The following FHIT variants were observed in gnomAD, a reference collection of about 807,000 sequenced individuals.
FHIT encodes the protein fragile histidine triad diadenosine triphosphatase.
In FHIT, 19 loss-of-function variants were observed where a neutral mutation model predicts 17.9. That is an observed-to-expected ratio of 1.06 (90% confidence interval 0.74 to 1.56). The LOEUF is 1.56. Ranked by LOEUF, FHIT falls within the 40% of genes most tolerant of loss-of-function variation. The pLI, the probability that FHIT is intolerant of heterozygous loss-of-function variation, is 0.00. For missense variants in FHIT, 248 were observed against 189.2 expected (o/e 1.31, Z -1.82); for synonymous variants, 81 against 69.7 (o/e 1.16, Z -0.81).
Position 59,750,348 on chromosome 3 carries a change from A to T in FHIT, c.*6-769T>A, listed in dbSNP as rs540765470. 1.3e-5 allele frequency: 3 copies of T among 225,392 alleles called. No individual in the cohort carries two copies. The South Asian group carries it at 5.5e-4, about 41-fold the overall frequency. The allele number at this position is 225,392 out of a possible 1,614,324, so 14.0% of individuals were successfully genotyped here. A position where few individuals can be genotyped will look rare whatever the true frequency, so the allele number is the denominator to read the frequency against. On this transcript the variant is annotated intron_variant, in intron 9 of 9. Coordinates refer to ENST00000492590, the MANE Select transcript of FHIT (RefSeq NM_002012.4). ...ATAGAAAACCCAGGAGAAAAAATTC[A>T]ACCTAGGCAGTCAAGTCTGAGGTAT...
At chr3:60,526,194 A>G (rs1402524744) in intron 5 of FHIT, among the ~76,000 whole-genome samples, 1 of 150,844 alleles carries the variant, frequency 6.6e-6, no homozygotes, top group Non-Finnish European at 1.5e-5. Flanking sequence ...TCCCTGGTCT[A>G]GCTCCAGTTC....
chr3:61,091,407 A>T (rs2035476602), intron 2 of FHIT, among the ~76,000 whole-genome samples: 1 of 152,156 alleles, frequency 6.6e-6, no homozygotes, highest in African/African-American at 2.4e-5. Context: ...ATGGGAGCAT[A>T]TATCAATATC....
chr3:60,261,439 G>C (rs1317718356), intron 5 of FHIT, among the ~76,000 whole-genome samples: 1 of 152,004 alleles, frequency 6.6e-6, no homozygotes, highest in African/African-American at 2.4e-5. Context: ...TCACATTCAT[G>C]AGTCCTGTTG....
intron 1 of FHIT, among the ~76,000 whole-genome samples, chr3:61,214,965 T>G (rs1220252473): frequency 6.6e-6 from 1 of 151,782 alleles, no homozygotes; most frequent in African/African-American, 2.4e-5. Context: ...CAACTCTTCA[T>G]GCTAAAAACT....
rs181521726 is a variant in FHIT at position 60,915,917 on chromosome 3, T to C, written c.-110-93906A>G. Among the ~76,000 whole-genome samples, 1,208 of 152,232 alleles carry C rather than the reference T, an allele frequency of 7.9e-3. 25 individuals are homozygous for C. Among genetic ancestry groups the C allele is most frequent in the African/African-American group, 0.027 (1,133 of 41,532 alleles). On this transcript the variant is annotated intron_variant, in intron 3 of 9. Transcript: ENST00000492590. The stretch of plus-strand genomic sequence containing the variant: ...AAAATTGAAACCACACCAAAGTACG[T>C]TGAAAAATGTCTTCCCACTCATGCT...
In FHIT at chr3:59,922,408, GA is replaced by G; in HGVS notation, c.285del (p.His96ThrfsTer83). ...GCCTTCCTGGGAAGAACATGGACGT[GA>G]ACGTGCTGAAAATGTACAAGAAAGA... ...GPEAGQTVKH[V>X]HVHVLPRKAG... On this transcript the variant is annotated frameshift_variant, in exon 8 of 10. Transcript: ENST00000492590. LOFTEE classifies it high-confidence loss of function. 1 of 1,613,214 alleles carries G rather than the reference GA, an allele frequency of 6.2e-7. No homozygotes were observed. The highest frequency in any genetic ancestry group is 1.1e-5 in the South Asian group (1 of 91,014).
At chr3:60,900,197 C>T (rs1343794262) in intron 3 of FHIT, among the ~76,000 whole-genome samples, 3 of 152,142 alleles carry the variant, frequency 2.0e-5, no homozygotes, top group Non-Finnish European at 2.9e-5. Flanking sequence ...GGTCAAGAGG[C>T]AGAGTAATGG....
intron 3 of FHIT, among the ~76,000 whole-genome samples, chr3:60,829,276 T>G (rs1322876230): frequency 6.6e-6 from 1 of 152,186 alleles, no homozygotes; most frequent in Non-Finnish European, 1.5e-5. Flanking sequence ...AACCAATAAA[T>G]TACCCCTCTG....
intron 2 of FHIT, among the ~76,000 whole-genome samples, chr3:61,063,052 G>A (rs2034482213): frequency 6.6e-6 from 1 of 151,980 alleles, no homozygotes; most frequent in Admixed American, 6.6e-5. Context: ...GAGGTCAGGA[G>A]ATCGAGACCA....
intron 5 of FHIT, among the ~76,000 whole-genome samples, chr3:60,370,617 C>T (rs907594925): frequency 6.6e-6 from 1 of 152,062 alleles, no homozygotes; most frequent in Non-Finnish European, 1.5e-5. Flanking sequence ...GAGAGGTGGA[C>T]TTATACCCCT....
intron 5 of FHIT, among the ~76,000 whole-genome samples, chr3:60,335,138 C>T (rs1710172790): frequency 6.6e-6 from 1 of 152,072 alleles, no homozygotes; most frequent in Non-Finnish European, 1.5e-5. Context: ...ACAAGATAAT[C>T]TCTGATTTGT....
At chr3:61,221,705 T>A (rs1162793170) in intron 1 of FHIT, among the ~76,000 whole-genome samples, 2 of 152,310 alleles carry the variant, frequency 1.3e-5, no homozygotes, top group Admixed American at 1.3e-4. Flanking sequence ...TACTGCTGCC[T>A]CCAGCCTAAC....
At chr3:60,851,779 C>T (rs1703163815) in intron 3 of FHIT, among the ~76,000 whole-genome samples, 1 of 152,064 alleles carries the variant, frequency 6.6e-6, no homozygotes, top group Non-Finnish European at 1.5e-5. Flanking sequence ...CAAGAATTGC[C>T]TTACAAGTTC....
At chr3:61,114,502 A>G (rs1447340177) in intron 2 of FHIT, among the ~76,000 whole-genome samples, 1 of 152,166 alleles carries the variant, frequency 6.6e-6, no homozygotes, top group Admixed American at 6.5e-5. Context: ...TCATGCATAA[A>G]ATAGGATTAG....
intron 5 of FHIT, among the ~76,000 whole-genome samples, chr3:60,029,195 G>C (rs1700877125): frequency 6.6e-6 from 1 of 151,976 alleles, no homozygotes; most frequent in Non-Finnish European, 1.5e-5. Context: ...TTAATGATTA[G>C]AGAAAAACGT....
chr3:61,000,410 G>T (rs1340384965), intron 3 of FHIT, among the ~76,000 whole-genome samples: 2 of 152,148 alleles, frequency 1.3e-5, no homozygotes, highest in Admixed American at 1.3e-4. Flanking sequence ...AGACACAATG[G>T]TAAGACATTA....
chr3:60,626,526 G>C (rs1200149023), intron 4 of FHIT, among the ~76,000 whole-genome samples: 1 of 152,142 alleles, frequency 6.6e-6, no homozygotes, highest in Non-Finnish European at 1.5e-5. Context: ...CAAGTGAATA[G>C]AGAGAATGAG....
chr3:61,073,216 T>C lies in FHIT; in HGVS notation c.-163-31117A>G, dbSNP rs77719948. On this transcript the variant is annotated intron_variant, in intron 2 of 9. Transcript: ENST00000492590. The stretch of plus-strand genomic sequence containing the variant: ...GATAGATCAGGATGGATGGAGTGTA[T>C]GCTGTTAGATCAAAAGAAATCATTT... 3.5e-3 allele frequency among the ~76,000 whole-genome samples: 527 copies of C among 152,302 alleles called. 6 individuals are homozygous for C. The highest frequency in any genetic ancestry group is 0.012 in the African/African-American group (501 of 41,572).
intron 2 of FHIT, among the ~76,000 whole-genome samples, chr3:61,081,232 A>C (rs1388887856): frequency 6.6e-6 from 1 of 152,292 alleles, no homozygotes; most frequent in South Asian, 2.1e-4. Context: ...GCTGTGCCCC[A>C]CAACTTGGAA....
Sources: allele counts gnomAD v4.1 joint callset (sites outside exome capture counted in the v4.1 genomes callset), GRCh38; gene constraint gnomAD v4.1.1; transcripts MANE v1.5; gene names NCBI Gene and HGNC (gene_info 2026-07-23, HGNC 2026-07-21).